EXT1: variants seen among roughly 807,000 people sequenced by gnomAD.
EXT1 encodes the protein exostosin-1.
Under a neutral mutation model 82.5 loss-of-function variants are expected in EXT1, and 20 were observed. The ratio of observed to expected loss-of-function variants is 0.24; its 90% CI spans 0.17 to 0.35. The LOEUF is 0.35. Among genes scored for constraint, EXT1 ranks in the 10% least tolerant of loss-of-function variants. The probability of loss-of-function intolerance (pLI) is 1.00; values close to 1 mark genes in which losing one functional copy is unlikely to be tolerated. For missense variants in EXT1, 757 were observed against 936.5 expected, an observed-to-expected ratio of 0.81 and a Z score of 2.50; for synonymous variants, 348 against 350.8, an observed-to-expected ratio of 0.99 and a Z score of 0.09.
chr8:118,010,372 A>C (rs1393793966), intron 1 of EXT1, among the ~76,000 whole-genome samples: 5 of 110,012 alleles, frequency 4.5e-5, no homozygotes, highest in Non-Finnish European at 6.7e-5. Context: ...ACTCCGTCTC[A>C]AAAAAAAAAA....
At chr8:117,842,880 A>T (rs1812294897) in intron 1 of EXT1, among the ~76,000 whole-genome samples, 1 of 152,158 alleles carries the variant, frequency 6.6e-6, no homozygotes, top group Admixed American at 6.5e-5. Context: ...TTGCCAAGTG[A>T]ACCTGCTTTT....
chr8:118,004,613 C>T, intron 1 of EXT1, among the ~76,000 whole-genome samples: 1 of 152,174 alleles, frequency 6.6e-6, no homozygotes, highest in Admixed American at 6.5e-5. Context: ...CCTTTTCCAC[C>T]ACTTGAATGA....
chr8:118,065,488 T>G (rs1399899786), intron 1 of EXT1, among the ~76,000 whole-genome samples: 1 of 152,280 alleles, frequency 6.6e-6, no homozygotes, highest in African/African-American at 2.4e-5. Flanking sequence ...TTTCACAAAG[T>G]TGCATCAAAA....
intron 1 of EXT1, among the ~76,000 whole-genome samples, chr8:117,978,898 TG>T (rs1056322410): frequency 2.6e-5 from 4 of 152,222 alleles, no homozygotes; most frequent in African/African-American, 9.6e-5. Context: ...GGAGGTAGGA[TG>T]GGTATTGTTA....
chr8:118,086,099 AAAAT>A (rs1194449838), intron 1 of EXT1, among the ~76,000 whole-genome samples: 4 of 152,220 alleles, frequency 2.6e-5, no homozygotes, highest in Non-Finnish European at 4.4e-5. Context: ...TCATCTTTTA[AAAAT>A]AAATAAATGA....
At chr8:117,910,414 C>T (rs1026868596) in intron 1 of EXT1, among the ~76,000 whole-genome samples, 3 of 152,168 alleles carry the variant, frequency 2.0e-5, no homozygotes, top group Non-Finnish European at 2.9e-5. Flanking sequence ...ATGGTCCACC[C>T]GGTGTGGGAT....
intron 1 of EXT1, among the ~76,000 whole-genome samples, chr8:117,982,294 G>A (rs1815225110): frequency 6.6e-6 from 1 of 152,162 alleles, no homozygotes; most frequent in Non-Finnish European, 1.5e-5. Context: ...GTCACTCACA[G>A]CTACCACAGG....
At chr8:117,877,105 G>A (rs1812984728) in intron 1 of EXT1, among the ~76,000 whole-genome samples, 1 of 152,168 alleles carries the variant, frequency 6.6e-6, no homozygotes, top group Non-Finnish European at 1.5e-5. Context: ...TGAAGACTCT[G>A]GATGTTAATG....
At chr8:117,944,889 G>A (rs1177555665) in intron 1 of EXT1, among the ~76,000 whole-genome samples, 2 of 152,138 alleles carry the variant, frequency 1.3e-5, no homozygotes, top group African/African-American at 2.4e-5. Flanking sequence ...TCGGCCAGGC[G>A]CGGTGGCTCA....
rs558581847 is a variant in EXT1 at position 117,959,487 on chromosome 8, T to G, written c.963-122286A>C. On this transcript the variant is annotated intron_variant, in intron 1 of 10. Coordinates refer to ENST00000378204, the MANE Select transcript of EXT1 (RefSeq NM_000127.3). The stretch of plus-strand genomic sequence containing the variant: ...AGCATACCACTAAGGAAGAGGACAA[T>G]GTAACTGAGGCAGTTCTCGGCACAG... Among the ~76,000 whole-genome samples, 173 of 152,330 alleles carry G rather than the reference T, an allele frequency of 1.1e-3. 1 individual carries two copies. The highest frequency in any genetic ancestry group is 4.0e-3 in the African/African-American group (168 of 41,574).
intron 1 of EXT1, among the ~76,000 whole-genome samples, chr8:118,085,479 GTTTTTTTTT>G (rs58866328): frequency 7.9e-6 from 1 of 126,746 alleles, no homozygotes; most frequent in African/African-American, 2.9e-5. Context: ...GGCTGTTTTT[GTTTTTTTTT>G]TTTTTTTGGT....
At chr8:117,809,055 T>C (rs28357254) in intron 8 of EXT1, among the ~76,000 whole-genome samples, 1 of 151,928 alleles carries the variant, frequency 6.6e-6, no homozygotes, top group African/African-American at 2.4e-5. Context: ...ATTACACCAG[T>C]AGCCTTCCTG....
intron 1 of EXT1, among the ~76,000 whole-genome samples, chr8:118,091,905 C>T (rs943336167): frequency 9.2e-5 from 14 of 152,022 alleles, no homozygotes; most frequent in African/African-American, 3.4e-4. Context: ...CACTAAAAGG[C>T]CACCATGACC....
chr8:117,883,868 A>G (rs1813103153), intron 1 of EXT1, among the ~76,000 whole-genome samples: 1 of 152,188 alleles, frequency 6.6e-6, no homozygotes, highest in East Asian at 1.9e-4. Flanking sequence ...TAAAAATTTG[A>G]ATTACACAGT....
chr8:117,825,226 A>G (rs1811990905), intron 4 of EXT1, among the ~76,000 whole-genome samples: 1 of 152,182 alleles, frequency 6.6e-6, no homozygotes, highest in Non-Finnish European at 1.5e-5. Context: ...AAGGCTATTC[A>G]TTAGTATTGC....
At chr8:118,099,391 T>A (rs145931546) in intron 1 of EXT1, among the ~76,000 whole-genome samples, 11 of 152,370 alleles carry the variant, frequency 7.2e-5, no homozygotes, top group Non-Finnish European at 1.0e-4. Context: ...GTACTGCTTC[T>A]AATCTACTGC....
chr8:118,007,175 T>C (rs1815795873), intron 1 of EXT1, among the ~76,000 whole-genome samples: 1 of 152,012 alleles, frequency 6.6e-6, no homozygotes, highest in Non-Finnish European at 1.5e-5. Flanking sequence ...CGGGCGCCTG[T>C]AGTCCCAGCT....
intron 1 of EXT1, among the ~76,000 whole-genome samples, chr8:117,854,076 A>G (rs867463343): frequency 6.6e-6 from 1 of 152,264 alleles, no homozygotes. Context: ...GAGGTCCTAC[A>G]GGCCAGGAGA....
At chr8:117,849,116 C>G (rs993101005) in intron 1 of EXT1, among the ~76,000 whole-genome samples, 1 of 152,182 alleles carries the variant, frequency 6.6e-6, no homozygotes, top group Non-Finnish European at 1.5e-5. Context: ...GCCTGGAATT[C>G]TTCTCCAGGA....
Sources: allele counts gnomAD v4.1 joint callset (sites outside exome capture counted in the v4.1 genomes callset), GRCh38; gene constraint gnomAD v4.1.1; transcripts MANE v1.5; gene names NCBI Gene and HGNC (gene_info 2026-07-23, HGNC 2026-07-21).